Variants in ACTR3 observed in about 807,000 individuals in gnomAD.
ACTR3 encodes actin-related protein 3.
ACTR3 carries 12 observed loss-of-function variants against 56.8 expected under a neutral mutation model. That is an observed-to-expected ratio of 0.21 (90% CI 0.14 to 0.34). ACTR3 has a LOEUF of 0.34. Among genes scored for constraint, ACTR3 ranks in the 10% least tolerant of loss-of-function variants. ACTR3 has a pLI of 1.00. For synonymous variants in ACTR3, 162 were observed against 167.4 expected (o/e 0.97, Z 0.25); for missense variants, 282 against 512.5 (o/e 0.55, Z 4.34).
Position 113,931,295 on chromosome 2 carries a change from C to G in ACTR3, c.337-6C>G. 1 of 1,500,770 alleles carries G rather than the reference C, an allele frequency of 6.7e-7. No homozygotes were observed. Among genetic ancestry groups the G allele is most frequent in the Non-Finnish European group, 9.0e-7 (1 of 1,109,806 alleles). 93.0% of individuals were successfully genotyped at this position (1,500,770 alleles called of 1,614,324 possible). A position where few individuals can be genotyped will look rare whatever the true frequency, so the allele number is the denominator to read the frequency against. ...TATCTATTTAAAATGTTATTTATTT[C>G]AATAGACTGAACCTCCATTGAATAC... On this transcript the variant is annotated splice_region_variant and splice_polypyrimidine_tract_variant and intron_variant, in intron 4 of 11. Coordinates refer to ENST00000263238, the MANE Select transcript of ACTR3 (RefSeq NM_005721.5).
chr2:113,934,227 T>C, intron 5 of ACTR3, 52 bp from the exon 6 acceptor site: 5 of 1,292,404 alleles, frequency 3.9e-6, no homozygotes, highest in Non-Finnish European at 5.4e-6. Context: ...ACTCTTTGTT[T>C]TTTTGTTTTT....
Position 113,957,752 on chromosome 2 carries a change from G to T in ACTR3, c.*297G>T, listed in dbSNP as rs1009837863. 3.4e-6 allele frequency: 1 copy of T among 293,116 alleles called. No homozygotes were observed. The allele number at this position is 293,116 out of a possible 1,614,324, so 18.2% of individuals were successfully genotyped here. A position where few individuals can be genotyped will look rare whatever the true frequency, so the allele number is the denominator to read the frequency against. On this transcript the variant is annotated 3_prime_UTR_variant, in exon 12 of 12. Transcript: ENST00000263238. The stretch of plus-strand genomic sequence containing the variant: ...TATATTAATGAATTATCCAAGATTC[G>T]ATGGGATTTATCAGTGTGTAGATAG...
intron 1 of ACTR3, chr2:113,903,938 G>A (rs1436157884): frequency 6.6e-6 from 1 of 151,058 alleles, no homozygotes; most frequent in East Asian, 2.0e-4. Flanking sequence ...CTCACTGCAA[G>A]TTCTGCCTCC....
intron 3 of ACTR3, among the ~76,000 whole-genome samples, chr2:113,926,387 C>T (rs1679620282): frequency 6.6e-6 from 1 of 152,158 alleles, no homozygotes; most frequent in African/African-American, 2.4e-5. Flanking sequence ...CTTTGCGGCG[C>T]CCTTGTGAAT....
chr2:113,917,413 T>G (rs1160949763), intron 3 of ACTR3, among the ~76,000 whole-genome samples: 1 of 152,078 alleles, frequency 6.6e-6, no homozygotes, highest in South Asian at 2.1e-4. Flanking sequence ...TCTTTTTCCC[T>G]TTTTCTTTTC....
intron 1 of ACTR3, among the ~76,000 whole-genome samples, chr2:113,910,452 A>G (rs1001571802): frequency 6.6e-6 from 1 of 152,154 alleles, no homozygotes; most frequent in Non-Finnish European, 1.5e-5. Context: ...TAGCAAATTA[A>G]TTGAACTCAA....
At chr2:113,909,917 C>T (rs11890727) in intron 1 of ACTR3, among the ~76,000 whole-genome samples, 1 of 151,884 alleles carries the variant, frequency 6.6e-6, no homozygotes, top group Non-Finnish European at 1.5e-5. Context: ...AATCTTGTAG[C>T]CAGTAGAGCA....
At chr2:113,910,055 A>G (rs184024123) in intron 1 of ACTR3, among the ~76,000 whole-genome samples, 4,828 of 149,310 alleles carry the variant, frequency 0.032, 264 homozygotes, top group African/African-American at 0.11. Context: ...TTGAGTGCTA[A>G]TGGGATGACT....
intron 3 of ACTR3, among the ~76,000 whole-genome samples, chr2:113,917,398 C>G (rs928892247): frequency 1.3e-5 from 2 of 152,070 alleles, no homozygotes; most frequent in African/African-American, 2.4e-5. Flanking sequence ...CTTTCTCCCT[C>G]TTTTTCTTTT....
intron 8 of ACTR3, among the ~76,000 whole-genome samples, chr2:113,944,235 C>T (rs537979729): frequency 1.3e-5 from 2 of 152,110 alleles, no homozygotes; most frequent in East Asian, 3.9e-4. Flanking sequence ...AATCAGCAGT[C>T]TGGACATTCT....
chr2:113,939,100 T>C (rs1399661351), intron 6 of ACTR3, among the ~76,000 whole-genome samples: 1 of 151,722 alleles, frequency 6.6e-6, no homozygotes, highest in Non-Finnish European at 1.5e-5. Context: ...CTCGACTCAC[T>C]GCAAGCTCCG....
At chr2:113,917,429 T>G (rs1574361815) in intron 3 of ACTR3, among the ~76,000 whole-genome samples, 1 of 152,272 alleles carries the variant, frequency 6.6e-6, no homozygotes, top group Middle Eastern at 3.4e-3. Flanking sequence ...TTTTCTACCC[T>G]TTTCCCTCCC....
chr2:113,935,389 A>C (rs1043033398), intron 6 of ACTR3, among the ~76,000 whole-genome samples: 1 of 152,206 alleles, frequency 6.6e-6, no homozygotes, highest in Non-Finnish European at 1.5e-5. Flanking sequence ...GCCCCTGGCA[A>C]CCACGAATCT....
At chr2:113,948,776 C>T (rs938451796) in intron 8 of ACTR3, among the ~76,000 whole-genome samples, 2 of 151,964 alleles carry the variant, frequency 1.3e-5, no homozygotes, top group Non-Finnish European at 2.9e-5. Flanking sequence ...ATATAAATCT[C>T]TTCTCAGGAT....
chr2:113,891,126 C>A (rs1354247434), intron 1 of ACTR3, among the ~76,000 whole-genome samples: 1 of 152,166 alleles, frequency 6.6e-6, no homozygotes, highest in African/African-American at 2.4e-5. Flanking sequence ...GCACATCTTA[C>A]TAGAACTTTT....
chr2:113,954,936 C>T (rs1420406662), intron 10 of ACTR3: 1 of 152,000 alleles, frequency 6.6e-6, no homozygotes, highest in Non-Finnish European at 1.5e-5. Flanking sequence ...TAAATTAAAA[C>T]CATGAATTTT....
In ACTR3 at chr2:113,927,402, C is replaced by G. The variant is rs1679641754; in HGVS notation, c.283C>G (p.Gln95Glu). The G allele has an allele frequency of 1.3e-6, 2 of 1,594,674 alleles. No individual in the cohort carries two copies. Among genetic ancestry groups the G allele is most frequent in the Non-Finnish European group, 1.7e-6 (2 of 1,168,360 alleles). ...DWDLMERFME[Q>E]VIFKYLRAEP... ...GGACTTAATGGAAAGGTTTATGGAG[C>G]AAGTGATCTTTAAATATTTAAGGGC... The change falls in exon 4 of 12, where the codon CAA (glutamine) becomes GAA (glutamate). Residue 95 changes from glutamine (Q) to glutamate (E), a missense_variant. Gln to Glu is a conservative substitution (Grantham distance 29). Coordinates refer to ENST00000263238, the MANE Select transcript of ACTR3 (RefSeq NM_005721.5).
intron 8 of ACTR3, chr2:113,950,973 GAT>G (rs1329280117): frequency 6.6e-6 from 1 of 152,612 alleles, no homozygotes; most frequent in Non-Finnish European, 1.5e-5. Context: ...AGAAATCCCT[GAT>G]AAAACCATCA....
chr2:113,934,799 A>G (rs1679793917), intron 6 of ACTR3, among the ~76,000 whole-genome samples: 2 of 152,202 alleles, frequency 1.3e-5, no homozygotes, highest in Admixed American at 6.5e-5. Context: ...TTAATAAAGC[A>G]TATTAAGAAA....
Sources: allele counts gnomAD v4.1 joint callset (sites outside exome capture counted in the v4.1 genomes callset), GRCh38; gene constraint gnomAD v4.1.1; transcripts MANE v1.5; gene names NCBI Gene and HGNC (gene_info 2026-07-23, HGNC 2026-07-21).